The following NKAIN2 variants were observed in gnomAD, a reference collection of about 807,000 sequenced individuals.
NKAIN2 encodes the protein sodium/potassium-transporting ATPase subunit beta-1-interacting protein 2.
Under a neutral mutation model 32.6 loss-of-function variants are expected in NKAIN2, and 14 were observed. That is an observed-to-expected ratio of 0.43 (90% CI 0.28 to 0.67). The LOEUF is 0.67. Among genes scored for constraint, NKAIN2 ranks in the 30% least tolerant of loss-of-function variants. The pLI is 0.17. For synonymous variants in NKAIN2, 80 were observed against 87.2 expected (o/e 0.92, Z 0.46); for missense variants, 198 against 258.3 (o/e 0.77, Z 1.60).
At chr6:124,399,708 G>C (rs1048632603) in intron 3 of NKAIN2, among the ~76,000 whole-genome samples, 3 of 152,234 alleles carry the variant, frequency 2.0e-5, no homozygotes, top group African/African-American at 7.2e-5. Flanking sequence ...TAGCGAAGCA[G>C]AGGATAGAAT....
At chr6:124,500,961 A>G (rs929188617) in intron 3 of NKAIN2, among the ~76,000 whole-genome samples, 1 of 152,248 alleles carries the variant, frequency 6.6e-6, no homozygotes, top group South Asian at 2.1e-4. Flanking sequence ...GACTTACCAC[A>G]TGCAAAGATA....
At chr6:124,171,547 A>ATTTTTTTTTTTTTTTTTTTTTTTTTTTTT (rs10665262) in intron 1 of NKAIN2, among the ~76,000 whole-genome samples, 1 of 96,470 alleles carries the variant, frequency 1.0e-5, no homozygotes, top group Non-Finnish European at 1.9e-5. Context: ...GGCCGATTTG[A>ATTTTTTTTTTTTTTTTTTTTTTTTTTTTT]TTTTTTTTTT....
In NKAIN2 at chr6:124,356,132, A is replaced by G. The variant is rs998698197; in HGVS notation, c.273+785A>G. ...TAAAATGTTCTTTTACTTACCCTGT[A>G]TTAGAGCAGAAGGCCCCTGCAAACA... On this transcript the variant is annotated intron_variant, in intron 3 of 6. Coordinates refer to ENST00000368417, the MANE Select transcript of NKAIN2 (RefSeq NM_001040214.3). Among the ~76,000 whole-genome samples, 3 of 152,220 alleles carry G rather than the reference A, an allele frequency of 2.0e-5. No individual in the cohort carries two copies. In the East Asian group the frequency reaches 5.8e-4, roughly 29 times the overall value.
chr6:124,489,802 C>T (rs1398705125), intron 3 of NKAIN2, among the ~76,000 whole-genome samples: 1 of 151,750 alleles, frequency 6.6e-6, no homozygotes, highest in Non-Finnish European at 1.5e-5. Context: ...CAAACATATT[C>T]ATAATATATT....
intron 1 of NKAIN2, among the ~76,000 whole-genome samples, chr6:123,891,106 T>C (rs1019748160): frequency 2.6e-5 from 4 of 152,218 alleles, no homozygotes; most frequent in Admixed American, 2.6e-4. Flanking sequence ...AGGACAAATG[T>C]ATGATTTCAC....
chr6:124,413,442 C>G (rs9482551), intron 3 of NKAIN2, among the ~76,000 whole-genome samples: 4,992 of 152,090 alleles, frequency 0.033, 266 homozygotes, highest in African/African-American at 0.11. Flanking sequence ...ATCAATACCA[C>G]GCTGTATTGA....
At chr6:124,738,023 A>C (rs527760165) in intron 4 of NKAIN2, among the ~76,000 whole-genome samples, 2 of 152,038 alleles carry the variant, frequency 1.3e-5, no homozygotes, top group African/African-American at 4.8e-5. Flanking sequence ...TCTGAAGAGA[A>C]ATTCAAGCCA....
intron 1 of NKAIN2, among the ~76,000 whole-genome samples, chr6:124,002,027 C>T (rs931262465): frequency 2.6e-5 from 4 of 151,998 alleles, no homozygotes; most frequent in African/African-American, 9.6e-5. Context: ...TGCTATACAA[C>T]AGTGATACAG....
At chr6:124,691,946 A>G (rs1388656740) in intron 4 of NKAIN2, among the ~76,000 whole-genome samples, 1 of 152,214 alleles carries the variant, frequency 6.6e-6, no homozygotes, top group African/African-American at 2.4e-5. Flanking sequence ...CTGTGTCAGT[A>G]CACTGTGATT....
intron 1 of NKAIN2, among the ~76,000 whole-genome samples, chr6:123,916,946 A>C (rs1054126760): frequency 2.6e-5 from 4 of 152,164 alleles, no homozygotes; most frequent in African/African-American, 9.7e-5. Context: ...CTCTAAAGTT[A>C]AGACCTGATG....
intron 3 of NKAIN2, among the ~76,000 whole-genome samples, chr6:124,358,687 A>G (rs1799111349): frequency 6.6e-6 from 1 of 151,912 alleles, no homozygotes; most frequent in Admixed American, 6.6e-5. Flanking sequence ...TTGTCAGATG[A>G]GTAGATTGCA....
chr6:124,760,911 C>T (rs1778234930), intron 4 of NKAIN2, among the ~76,000 whole-genome samples: 1 of 152,126 alleles, frequency 6.6e-6, no homozygotes, highest in Non-Finnish European at 1.5e-5. Flanking sequence ...CTGCTTTTTT[C>T]ATTATTGTAT....
intron 5 of NKAIN2, among the ~76,000 whole-genome samples, chr6:124,805,038 C>A (rs1780465002): frequency 6.6e-6 from 1 of 152,216 alleles, no homozygotes; most frequent in South Asian, 2.1e-4. Context: ...GGCCTGCCTG[C>A]CTCTGTAGGC....
At chr6:124,312,305 A>G (rs996012081) in intron 2 of NKAIN2, among the ~76,000 whole-genome samples, 6 of 152,126 alleles carry the variant, frequency 3.9e-5, no homozygotes, top group African/African-American at 1.4e-4. Flanking sequence ...CTTCCAATTC[A>G]GTTCTGACAC....
intron 3 of NKAIN2, among the ~76,000 whole-genome samples, chr6:124,623,753 C>T (rs1783196708): frequency 6.6e-6 from 1 of 152,054 alleles, no homozygotes; most frequent in Non-Finnish European, 1.5e-5. Context: ...TCTTTTCTTC[C>T]TTGTCTTCCT....
chr6:123,997,748 C>T (rs1041053383), intron 1 of NKAIN2, among the ~76,000 whole-genome samples: 19 of 151,560 alleles, frequency 1.3e-4, no homozygotes, highest in Non-Finnish European at 1.9e-4. Flanking sequence ...GGACTACAGG[C>T]GCCTGCCACC....
chr6:124,070,755 C>A (rs1250294459), intron 1 of NKAIN2, among the ~76,000 whole-genome samples: 1 of 152,084 alleles, frequency 6.6e-6, no homozygotes, highest in East Asian at 1.9e-4. Flanking sequence ...ACTAGAAAAA[C>A]GATTCCAAAA....
At chr6:124,677,452 T>C (rs143748767) in intron 4 of NKAIN2, among the ~76,000 whole-genome samples, 2 of 152,228 alleles carry the variant, frequency 1.3e-5, no homozygotes, top group African/African-American at 2.4e-5. Flanking sequence ...TTATGTTTCA[T>C]TGACTTTTTT....
intron 1 of NKAIN2, among the ~76,000 whole-genome samples, chr6:123,991,896 A>G (rs1010799645): frequency 6.6e-6 from 1 of 152,046 alleles, no homozygotes; most frequent in Non-Finnish European, 1.5e-5. Flanking sequence ...ATACATATAT[A>G]TATTTTAAGG....
Sources: gnomAD v4.1 joint callset for allele counts (sites outside exome capture counted in the v4.1 genomes callset) on GRCh38, gnomAD v4.1.1 for gene constraint, MANE v1.5 for transcripts, NCBI Gene and HGNC (gene_info 2026-07-23, HGNC 2026-07-21) for gene names.